Variants in DKK3 observed in about 807,000 individuals in gnomAD.
DKK3 encodes dickkopf Wnt signaling pathway inhibitor 3.
A neutral mutation model predicts 33.2 loss-of-function variants in DKK3; 22 were observed. The observed-to-expected ratio is 0.66, with a 90% confidence interval of 0.47 to 0.95. The LOEUF (loss-of-function observed/expected upper bound fraction) is 0.95. Ranked by LOEUF, DKK3 falls within the 40% of genes least tolerant of loss-of-function variation. DKK3 has a pLI of 0.00. For missense variants in DKK3, 398 were observed against 458.4 expected, an observed-to-expected ratio of 0.87 and a Z score of 1.20; for synonymous variants, 194 against 188.8, an observed-to-expected ratio of 1.03 and a Z score of -0.23.
intron 3 of DKK3, among the ~76,000 whole-genome samples, chr11:11,972,682 C>T (rs1045391126): frequency 6.6e-6 from 1 of 152,188 alleles, no homozygotes; most frequent in Non-Finnish European, 1.5e-5. Context: ...CAGTGCCCTC[C>T]AAGCACAGAC....
rs568895847 is a variant in DKK3 at position 12,008,027 on chromosome 11, G to T, written c.213+343C>A. On this transcript the variant is annotated intron_variant, in intron 1 of 6. Transcript: ENST00000683431. This position sits in a 1 kb window ranked among gnomAD's most constrained non-coding sequence, Gnocchi z 4.6. ...CGGGTTTCTGTGAAACCACAGTGCTGGAATACCAGGGGCCCTGCAAACCTC... is the reference window on the plus strand; with the variant it reads ...CGGGTTTCTGTGAAACCACAGTGCTTGAATACCAGGGGCCCTGCAAACCTC... Among the ~76,000 whole-genome samples, 9 of 152,290 alleles carry T rather than the reference G, an allele frequency of 5.9e-5. No homozygotes were observed. The highest frequency in any genetic ancestry group is 5.2e-4 in the Admixed American group (8 of 15,306).
At chr11:11,967,596 G>T (rs1847629440) in intron 4 of DKK3, among the ~76,000 whole-genome samples, 1 of 152,374 alleles carries the variant, frequency 6.6e-6, no homozygotes, top group South Asian at 2.1e-4. Context: ...ACCGAGTGGG[G>T]TTGGCTGCGA....
intron 1 of DKK3, among the ~76,000 whole-genome samples, chr11:12,003,534 A>T (rs931565401): frequency 5.3e-5 from 8 of 152,082 alleles, no homozygotes; most frequent in African/African-American, 1.9e-4. Flanking sequence ...CAGATTTATC[A>T]CCCTGTCCTG....
chr11:11,976,894 G>A (rs891003298), intron 3 of DKK3, among the ~76,000 whole-genome samples: 2 of 152,168 alleles, frequency 1.3e-5, no homozygotes, highest in Non-Finnish European at 2.9e-5. Flanking sequence ...TGTCTGGAAC[G>A]CAGCAGGGCG....
Position 11,964,367 on chromosome 11 carries a change from T to G in DKK3, c.*97A>C. Reference sequence around the variant, plus strand: ...GAGGGGAAACTTACTGGGAAGAAGATGTAGGAAGAAGCCTGGTCAGCCCAC... The same window carrying G: ...GAGGGGAAACTTACTGGGAAGAAGAGGTAGGAAGAAGCCTGGTCAGCCCAC... On this transcript the variant is annotated 3_prime_UTR_variant, in exon 7 of 7. Transcript: ENST00000683431. The G allele has an allele frequency of 2.1e-6, 3 of 1,446,008 alleles. No homozygotes were observed. The South Asian group carries it at 4.0e-5, about 19-fold the overall frequency. 89.6% of individuals were successfully genotyped at this position (1,446,008 alleles called of 1,614,324 possible). A position where few individuals can be genotyped will look rare whatever the true frequency, so the allele number is the denominator to read the frequency against.
chr11:11,996,310 A>T (rs1350184331), intron 3 of DKK3, among the ~76,000 whole-genome samples: 1 of 152,194 alleles, frequency 6.6e-6, no homozygotes, highest in African/African-American at 2.4e-5. Context: ...ATCGCTTTCT[A>T]TTCAGAAAAA....
Position 11,988,074 on chromosome 11 carries a change from A to G in DKK3, c.435+10622T>C, listed in dbSNP as rs532217298. 2.0e-5 allele frequency among the ~76,000 whole-genome samples: 3 copies of G among 152,332 alleles called. No individual in the cohort carries two copies. The East Asian group carries it at 5.8e-4, about 29-fold the overall frequency. On this transcript the variant is annotated intron_variant, in intron 3 of 6. Transcript: ENST00000683431. Reference sequence around the variant, plus strand: ...AGAGCAGCAACCAATGCTCAGAGCCATGAGGGAAGTTTCCCCAGAAGCAGG... The same window carrying G: ...AGAGCAGCAACCAATGCTCAGAGCCGTGAGGGAAGTTTCCCCAGAAGCAGG...
At chr11:11,998,945 G>A (rs1848363102) in intron 2 of DKK3, among the ~76,000 whole-genome samples, 166 bp from the exon 3 acceptor site, 1 of 152,162 alleles carries the variant, frequency 6.6e-6, no homozygotes, top group Admixed American at 6.5e-5. Context: ...GCTGTGAGAT[G>A]GACGGCTTCC....
At chr11:11,997,310 A>G (rs1318188915) in intron 3 of DKK3, among the ~76,000 whole-genome samples, 1 of 152,008 alleles carries the variant, frequency 6.6e-6, no homozygotes, top group Non-Finnish European at 1.5e-5. Flanking sequence ...TTCATTCTAC[A>G]ACTCTGCTCA....
chr11:11,991,375 TTA>T (rs1406504735), intron 3 of DKK3, among the ~76,000 whole-genome samples: 1 of 152,214 alleles, frequency 6.6e-6, no homozygotes, highest in African/African-American at 2.4e-5. Flanking sequence ...GGCAGATCCC[TTA>T]TGAGTGGCTT....
At chr11:11,968,508 C>G in intron 3 of DKK3, 21 bp from the exon 4 acceptor site, 1 of 1,608,348 alleles carries the variant, frequency 6.2e-7, no homozygotes, top group Non-Finnish European at 8.5e-7. Context: ...GCACAGGGAG[C>G]AGATGTGTCA....
At chr11:11,994,048 A>G (rs921107428) in intron 3 of DKK3, among the ~76,000 whole-genome samples, 1 of 152,200 alleles carries the variant, frequency 6.6e-6, no homozygotes, top group Non-Finnish European at 1.5e-5. Flanking sequence ...AGCTCCTGGC[A>G]GAGCACATCA....
intron 3 of DKK3, among the ~76,000 whole-genome samples, chr11:11,987,359 A>G (rs1848091609): frequency 6.6e-6 from 1 of 152,290 alleles, no homozygotes; most frequent in East Asian, 1.9e-4. Flanking sequence ...TAAAAACTGA[A>G]CTGAACTGGA....
At chr11:11,972,845 A>T (rs1392846379) in intron 3 of DKK3, among the ~76,000 whole-genome samples, 2 of 152,184 alleles carry the variant, frequency 1.3e-5, no homozygotes, top group African/African-American at 2.4e-5. Flanking sequence ...TGAAATCAGA[A>T]ATAAGAGGCC....
intron 3 of DKK3, among the ~76,000 whole-genome samples, chr11:11,997,832 C>G (rs1590548101): frequency 6.6e-6 from 1 of 152,184 alleles, no homozygotes; most frequent in Non-Finnish European, 1.5e-5. Flanking sequence ...TAACTGTCAT[C>G]CATACACTGG....
intron 1 of DKK3, among the ~76,000 whole-genome samples, chr11:12,003,662 GA>G (rs1204867294): frequency 6.6e-6 from 1 of 151,994 alleles, no homozygotes; most frequent in African/African-American, 2.4e-5. Context: ...TTTCAAATGA[GA>G]GACATAAAGA....
At chr11:11,996,413 T>TGGGAAACTAG (rs1194205295) in intron 3 of DKK3, among the ~76,000 whole-genome samples, 1 of 152,164 alleles carries the variant, frequency 6.6e-6, no homozygotes, top group African/African-American at 2.4e-5. Context: ...TCTGTGGACA[T>TGGGAAACTAG]GGGAAACTAG....
Position 11,963,342 on chromosome 11 carries a change from AT to A in DKK3, c.*1121del, listed in dbSNP as rs1189221556. 6.6e-6 allele frequency: 1 copy of A among 152,260 alleles called. No homozygotes were observed. Among genetic ancestry groups the A allele is most frequent in the Non-Finnish European group, 1.5e-5 (1 of 68,012 alleles). The allele number at this position is 152,260 out of a possible 1,614,324, so 9.4% of individuals were successfully genotyped here. A position where few individuals can be genotyped will look rare whatever the true frequency, so the allele number is the denominator to read the frequency against. ...GTTTCACACAGCCCTGCTCGGTTTG[AT>A]TTTCTCCACGTGGTTGATAATTGTC... On this transcript the variant is annotated 3_prime_UTR_variant, in exon 7 of 7. Transcript: ENST00000683431.
intron 3 of DKK3, among the ~76,000 whole-genome samples, chr11:11,986,261 CTG>C (rs1366850536): frequency 6.6e-6 from 1 of 152,166 alleles, no homozygotes. Context: ...TTCCCTGTGG[CTG>C]TATTTTCCAC....
Sources: allele counts gnomAD v4.1 joint callset (sites outside exome capture counted in the v4.1 genomes callset), GRCh38; gene constraint gnomAD v4.1.1; non-coding constraint Gnocchi (gnomAD v3.1); transcripts MANE v1.5; gene names NCBI Gene and HGNC (gene_info 2026-07-23, HGNC 2026-07-21).